The following ACACA variants were observed in gnomAD, a reference collection of about 807,000 sequenced individuals.
ACACA encodes acetyl-CoA carboxylase alpha.
ACACA carries 103 observed loss-of-function variants against 296.1 expected under a neutral mutation model. That is an observed-to-expected ratio of 0.35 (90% confidence interval 0.30 to 0.41). The LOEUF is 0.41. Ranked by LOEUF, ACACA falls within the 10% of genes least tolerant of loss-of-function variation. The pLI is 1.00. For missense variants in ACACA, 1,554 were observed against 2,989.7 expected, an observed-to-expected ratio of 0.52 and a Z score of 11.20; for synonymous variants, 953 against 1,038.6, an observed-to-expected ratio of 0.92 and a Z score of 1.58.
At chr17:37,144,018 A>T in intron 45 of ACACA, 2 of 783,226 alleles carry the variant, frequency 2.6e-6, no homozygotes, top group Non-Finnish European at 4.7e-6. Context: ...TCTTGGGTGC[A>T]TTGGGATCCC....
chr17:37,220,418 A>G (rs550075876), intron 29 of ACACA, among the ~76,000 whole-genome samples: 6 of 152,336 alleles, frequency 3.9e-5, no homozygotes, highest in African/African-American at 9.6e-5. Context: ...TGAGAATTAC[A>G]AAGAGCATTA....
intron 46 of ACACA, among the ~76,000 whole-genome samples, 175 bp downstream of exon 46, chr17:37,129,900 A>G (rs1172944084): frequency 6.6e-6 from 1 of 152,238 alleles, no homozygotes; most frequent in African/African-American, 2.4e-5. Flanking sequence ...AGACATCTTA[A>G]AGGTAGAAGG....
intron 48 of ACACA, among the ~76,000 whole-genome samples, chr17:37,125,476 C>T (rs566789678): frequency 1.3e-5 from 2 of 152,224 alleles, no homozygotes; most frequent in South Asian, 2.1e-4. Flanking sequence ...GAAGTGTTGT[C>T]AAAATTAGCC....
At chr17:37,371,866 C>G (rs1385953184) in intron 1 of ACACA, among the ~76,000 whole-genome samples, 1 of 151,880 alleles carries the variant, frequency 6.6e-6, no homozygotes, top group Non-Finnish European at 1.5e-5. Flanking sequence ...CGCCACCGTA[C>G]TCCAGCCTGG....
intron 3 of ACACA, among the ~76,000 whole-genome samples, chr17:37,326,206 CAA>C (rs773519168): frequency 2.6e-4 from 16 of 61,864 alleles, no homozygotes; most frequent in African/African-American, 3.2e-4. Context: ...AAGACTGTCT[CAA>C]AAAAAAAAAA....
chr17:37,097,188 C>G lies in ACACA; in HGVS notation c.6721-22G>C. 1.2e-6 allele frequency: 2 copies of G among 1,610,784 alleles called. No homozygotes were observed. Among genetic ancestry groups the G allele is most frequent in the South Asian group, 2.2e-5 (2 of 91,058 alleles). ...TATCCTACATGCAGAGAAGAATAAA[C>G]TTAGCCCAGTCCTAATTCCTGCTTA... On this transcript the variant is annotated intron_variant, in intron 53 of 55. Coordinates refer to ENST00000616317, the MANE Select transcript of ACACA (RefSeq NM_198834.3). The surrounding 1 kb of genome is among the most constrained non-coding windows in gnomAD (Gnocchi z 4.8).
At chr17:37,100,411 A>T (rs1223954426) in intron 52 of ACACA, among the ~76,000 whole-genome samples, 2 of 152,186 alleles carry the variant, frequency 1.3e-5, no homozygotes. Context: ...AGAAGGACAG[A>T]ACATGACTTC....
chr17:37,172,711 T>C (rs1015635535), intron 41 of ACACA, among the ~76,000 whole-genome samples: 3 of 152,250 alleles, frequency 2.0e-5, no homozygotes, highest in Non-Finnish European at 4.4e-5. Context: ...TGAATACTTA[T>C]GTATAATCAT....
chr17:37,264,693 T>C (rs920292159), intron 10 of ACACA, among the ~76,000 whole-genome samples: 2 of 152,224 alleles, frequency 1.3e-5, no homozygotes, highest in African/African-American at 4.8e-5. Flanking sequence ...TCTTCAATTA[T>C]TGTTTCTGCT....
At chr17:37,232,287 G>C (rs2079897957) in intron 25 of ACACA, among the ~76,000 whole-genome samples, 1 of 152,152 alleles carries the variant, frequency 6.6e-6, no homozygotes, top group Non-Finnish European at 1.5e-5. Flanking sequence ...AGAAAGCAGA[G>C]AATGGAATAC....
chr17:37,381,697 A>G (rs4470189), intron 1 of ACACA, among the ~76,000 whole-genome samples: 1,493 of 138,752 alleles, frequency 0.011, 11 homozygotes, highest in Non-Finnish European at 0.013. Flanking sequence ...GTGCGATCTC[A>G]GCTCACTGCA....
At chr17:37,290,322 T>TTGGCTC (rs1052663168) in intron 3 of ACACA, among the ~76,000 whole-genome samples, 2 of 152,224 alleles carry the variant, frequency 1.3e-5, no homozygotes, top group Non-Finnish European at 2.9e-5. Flanking sequence ...ATGCTGGGAT[T>TTGGCTC]ACAAGTGTGA....
At chr17:37,177,679 T>C (rs1377143496) in intron 41 of ACACA, among the ~76,000 whole-genome samples, 1 of 152,238 alleles carries the variant, frequency 6.6e-6, no homozygotes, top group South Asian at 2.1e-4. Flanking sequence ...TCTAGCACAA[T>C]GAAGCTTTTC....
chr17:37,349,092 G>A (rs966350109), intron 1 of ACACA, among the ~76,000 whole-genome samples: 4 of 150,804 alleles, frequency 2.7e-5, no homozygotes, highest in African/African-American at 7.3e-5. Flanking sequence ...ATGGAGTCTC[G>A]CTCTGTTGCC....
intron 17 of ACACA, 64 bp downstream of exon 17, chr17:37,248,529 C>G: frequency 5.6e-6 from 7 of 1,250,084 alleles, no homozygotes; most frequent in Non-Finnish European, 7.1e-6. Context: ...TTTTCTCCTG[C>G]CTCTCAACCT....
At chr17:37,103,045 G>T (rs2073456716) in intron 52 of ACACA, among the ~76,000 whole-genome samples, 4 of 152,128 alleles carry the variant, frequency 2.6e-5, no homozygotes, top group African/African-American at 9.7e-5. Flanking sequence ...AAGGATTTGT[G>T]TGCTTTGTTT....
intron 49 of ACACA, among the ~76,000 whole-genome samples, chr17:37,121,957 T>C (rs528994059): frequency 1.6e-3 from 243 of 152,264 alleles, no homozygotes; most frequent in African/African-American, 5.6e-3. Context: ...CTGAATGGTG[T>C]CAGGATGTGA....
chr17:37,181,696 G>A (rs982762757), intron 39 of ACACA, among the ~76,000 whole-genome samples: 6 of 151,816 alleles, frequency 4.0e-5, no homozygotes, highest in African/African-American at 9.7e-5. Context: ...TCAGGAGATC[G>A]AGACCATCCT....
At chr17:37,173,765 CCT>C (rs1381436399) in intron 41 of ACACA, among the ~76,000 whole-genome samples, 3 of 150,524 alleles carry the variant, frequency 2.0e-5, no homozygotes, top group African/African-American at 7.3e-5. Flanking sequence ...CCATTTCACC[CCT>C]GAGAACATAA....
Sources: gnomAD v4.1 joint callset for allele counts (sites outside exome capture counted in the v4.1 genomes callset) on GRCh38, gnomAD v4.1.1 for gene constraint, Gnocchi (gnomAD v3.1) non-coding constraint, MANE v1.5 for transcripts, NCBI Gene and HGNC (gene_info 2026-07-23, HGNC 2026-07-21) for gene names.